The following R3HDM1 variants were observed in gnomAD, a reference collection of about 807,000 sequenced individuals.
R3HDM1 encodes R3H domain-containing protein 1.
A neutral mutation model predicts 141.1 loss-of-function variants in R3HDM1; 46 were observed. The ratio of observed to expected loss-of-function variants is 0.33; its 90% CI spans 0.26 to 0.42. R3HDM1 has a LOEUF of 0.42. R3HDM1 is among the 10% of genes least tolerant of loss of function. The probability of loss-of-function intolerance (pLI) is 1.00; values close to 1 mark genes in which losing one functional copy is unlikely to be tolerated. For missense variants in R3HDM1, 1,184 were observed against 1,368.3 expected, an observed-to-expected ratio of 0.87 and a Z score of 2.12; for synonymous variants, 435 against 472.9, an observed-to-expected ratio of 0.92 and a Z score of 1.04.
chr2:135,652,836 A>C (rs1372392496), intron 18 of R3HDM1, among the ~76,000 whole-genome samples: 2 of 152,156 alleles, frequency 1.3e-5, no homozygotes, highest in Non-Finnish European at 1.5e-5. Context: ...AAATGATTCC[A>C]GTTCTCTTTT....
intron 2 of R3HDM1, among the ~76,000 whole-genome samples, chr2:135,603,356 T>C (rs1177031127): frequency 1.3e-5 from 2 of 152,136 alleles, no homozygotes; most frequent in South Asian, 2.1e-4. Context: ...CAAATTGATA[T>C]AGAGAAAATA....
chr2:135,532,932 CTG>C (rs759901608), intron 1 of R3HDM1, among the ~76,000 whole-genome samples: 66 of 152,174 alleles, frequency 4.3e-4, no homozygotes, highest in Non-Finnish European at 6.0e-4. Context: ...GTAGACATAA[CTG>C]TGATCAGAGA....
At position 135,632,769 on chromosome 2, in the gene R3HDM1, T is replaced by C. The variant is rs1032857983; in HGVS notation, c.698+768T>C. Among the ~76,000 whole-genome samples the C allele has an allele frequency of 1.3e-5, 2 of 152,244 alleles. 1 individual carries two copies. The highest frequency in any genetic ancestry group is 4.8e-5 in the African/African-American group (2 of 41,472). On this transcript the variant is annotated intron_variant, in intron 9 of 26. Transcript: ENST00000683871. ...TATCGAAAGGAATTTCAGTTTGATA[T>C]GAGGCAGCAACAAGTCTGTGGTAAT...
At chr2:135,624,801 A>G (rs1212885241) in intron 7 of R3HDM1, among the ~76,000 whole-genome samples, 1 of 152,246 alleles carries the variant, frequency 6.6e-6, no homozygotes, top group African/African-American at 2.4e-5. Flanking sequence ...CTAGGAGACC[A>G]TAGAAAAGAA....
chr2:135,609,400 G>T (rs9679373), intron 3 of R3HDM1, among the ~76,000 whole-genome samples: 11,749 of 152,198 alleles, frequency 0.077, 1,497 homozygotes, highest in African/African-American at 0.27. Context: ...GAAGTTAACT[G>T]TCCCACATAA....
chr2:135,607,881 T>C (rs2060209703), intron 3 of R3HDM1: 2 of 982,546 alleles, frequency 2.0e-6, no homozygotes, highest in South Asian at 4.7e-5. Context: ...TAAACAAACA[T>C]GGGTATGGTC....
intron 1 of R3HDM1, chr2:135,597,047 A>G (rs2059252245): frequency 1.0e-6 from 1 of 984,212 alleles, no homozygotes; most frequent in Non-Finnish European, 1.2e-6. Flanking sequence ...AATGCAGCAC[A>G]TTCGTGTAAC....
intron 11 of R3HDM1, 125 bp downstream of exon 11, chr2:135,636,308 C>T: frequency 2.9e-6 from 4 of 1,398,614 alleles, no homozygotes; most frequent in Non-Finnish European, 3.7e-6. Flanking sequence ...ATAAGGTCAT[C>T]TTTTAGAAAT....
intron 19 of R3HDM1, chr2:135,669,266 A>G (rs141475878): frequency 2.0e-6 from 2 of 985,406 alleles, no homozygotes; most frequent in East Asian, 2.3e-4. Context: ...TGGGCTAATC[A>G]TATGCTTATT....
At chr2:135,606,238 G>A (rs925281966) in intron 3 of R3HDM1, 2 of 152,190 alleles carry the variant, frequency 1.3e-5, no homozygotes, top group African/African-American at 4.8e-5. Context: ...TGGGTCCAAA[G>A]TAGTCAGACT....
chr2:135,706,011 C>T (rs1028378618), intron 21 of R3HDM1, among the ~76,000 whole-genome samples: 13 of 151,836 alleles, frequency 8.6e-5, no homozygotes, highest in Non-Finnish European at 1.5e-4. Context: ...CACCTGTAGT[C>T]CCAGCTACTC....
intron 1 of R3HDM1, among the ~76,000 whole-genome samples, chr2:135,535,563 G>A (rs868751330): frequency 6.6e-6 from 1 of 151,608 alleles, no homozygotes; most frequent in Non-Finnish European, 1.5e-5. Context: ...CTGTTGTGAA[G>A]AGAAGGAAGT....
At position 135,712,619 on chromosome 2, in the gene R3HDM1, G is replaced by A. The variant is rs796978967; in HGVS notation, c.2736+2388G>A. Among the ~76,000 whole-genome samples, 36 of 151,798 alleles carry A rather than the reference G, an allele frequency of 2.4e-4. 1 individual carries two copies. Among genetic ancestry groups the A allele is most frequent in the African/African-American group, 8.0e-4 (33 of 41,330 alleles). On this transcript the variant is annotated intron_variant, in intron 23 of 26. Coordinates refer to ENST00000683871, the MANE Select transcript of R3HDM1 (RefSeq NM_001378107.1). ...ATACAGGTTGGGCATGGTGGCTTAC[G>A]ACTGTAATCCCAGCACTTCCGGCCG...
chr2:135,540,976 A>C (rs1208006499), intron 1 of R3HDM1, among the ~76,000 whole-genome samples: 2 of 152,326 alleles, frequency 1.3e-5, no homozygotes, highest in East Asian at 1.9e-4. Flanking sequence ...ATCAACGAAC[A>C]GTAAGTTTTT....
chr2:135,683,766 A>T (rs938878273), intron 21 of R3HDM1, among the ~76,000 whole-genome samples: 7 of 152,094 alleles, frequency 4.6e-5, no homozygotes, highest in Admixed American at 4.6e-4. Context: ...TATTAATCAG[A>T]TAGTTGAATT....
At chr2:135,687,269 G>C (rs958087574) in intron 21 of R3HDM1, among the ~76,000 whole-genome samples, 2 of 152,168 alleles carry the variant, frequency 1.3e-5, no homozygotes, top group Non-Finnish European at 2.9e-5. Context: ...GCTGCAGGGA[G>C]GGGGAAGTGG....
intron 20 of R3HDM1, among the ~76,000 whole-genome samples, chr2:135,679,066 CTTTTTTTTTTTTTTTT>C (rs141175748): frequency 4.2e-5 from 3 of 70,592 alleles, no homozygotes; most frequent in African/African-American, 5.6e-5. Flanking sequence ...GCCCGGCTTT[CTTTTTTTTTTTTTTTT>C]TTTTTTTTTT....
intron 1 of R3HDM1, among the ~76,000 whole-genome samples, chr2:135,563,552 T>C (rs1166873857): frequency 6.6e-6 from 1 of 152,188 alleles, no homozygotes; most frequent in African/African-American, 2.4e-5. Context: ...GTATTTGGTA[T>C]AAAATCATAA....
In R3HDM1 at chr2:135,645,408, C is replaced by G. The variant is rs773448046; in HGVS notation, c.1504C>G (p.Pro502Ala). ...GCCCTTCATAAACCCAGATGGGAGT[C>G]CAGTTGTGTATAATCCTCCTATGAC... Reference protein sequence around the residue: ...GQPFINPDGSPVVYNPPMTQQ... With the variant: ...GQPFINPDGSAVVYNPPMTQQ... The change falls in exon 16 of 27, where the codon CCA becomes GCA. Residue 502 changes from proline (P) to alanine (A), a missense_variant. Pro to Ala is a conservative substitution (Grantham distance 27). Coordinates refer to ENST00000683871, the MANE Select transcript of R3HDM1 (RefSeq NM_001378107.1). 2 of 1,611,886 alleles carry G rather than the reference C, an allele frequency of 1.2e-6. No homozygotes were observed. Among genetic ancestry groups the G allele is most frequent in the African/African-American group, 2.7e-5 (2 of 74,830 alleles).
Sources: gnomAD v4.1 joint callset for allele counts (sites outside exome capture counted in the v4.1 genomes callset) on GRCh38, gnomAD v4.1.1 for gene constraint, MANE v1.5 for transcripts, NCBI Gene and HGNC (gene_info 2026-07-23, HGNC 2026-07-21) for gene names.